Variants in SYN3 observed in about 807,000 individuals in gnomAD.
SYN3 encodes synapsin III.
Under a neutral mutation model 65.8 loss-of-function variants are expected in SYN3, and 35 were observed. The observed-to-expected ratio is 0.53, with a 90% CI of 0.41 to 0.70. SYN3 has a LOEUF of 0.70. Ranked by LOEUF, SYN3 falls within the 30% of genes least tolerant of loss-of-function variation. The probability of loss-of-function intolerance (pLI) is 0.00; values close to 1 mark genes in which losing one functional copy is unlikely to be tolerated. For synonymous variants in SYN3, 270 were observed against 292.9 expected (o/e 0.92, Z 0.80); for missense variants, 680 against 749.0 (o/e 0.91, Z 1.08).
chr22:32,716,926 C>T (rs2061047279), intron 6 of SYN3, among the ~76,000 whole-genome samples: 1 of 152,144 alleles, frequency 6.6e-6, no homozygotes, highest in Non-Finnish European at 1.5e-5. Context: ...ACTCAGATTG[C>T]TGTACAACCA....
At chr22:32,745,891 C>T (rs188801543) in intron 6 of SYN3, among the ~76,000 whole-genome samples, 33 of 152,248 alleles carry the variant, frequency 2.2e-4, no homozygotes, top group African/African-American at 5.8e-4. Context: ...CTCCAGCCAG[C>T]GTGGTGCCGA....
chr22:32,827,185 A>G (rs1057221898), intron 6 of SYN3, among the ~76,000 whole-genome samples: 2 of 152,218 alleles, frequency 1.3e-5, no homozygotes, highest in Non-Finnish European at 2.9e-5. Context: ...TTGGCCAGGA[A>G]TTCAGCGAGT....
intron 7 of SYN3, among the ~76,000 whole-genome samples, chr22:32,589,066 G>A (rs906125103): frequency 3.3e-5 from 5 of 152,280 alleles, no homozygotes; most frequent in Middle Eastern, 3.4e-3. Flanking sequence ...ACACTGCCCC[G>A]AGCTCCTATT....
At chr22:32,641,506 G>T (rs2059899211) in intron 6 of SYN3, among the ~76,000 whole-genome samples, 1 of 151,446 alleles carries the variant, frequency 6.6e-6, no homozygotes, top group South Asian at 2.1e-4. Flanking sequence ...TACTCGGGAG[G>T]CTGAGGCAGG....
rs1286696377 is a variant in SYN3 at position 32,518,166 on chromosome 22, G to A, written c.1487C>T (p.Pro496Leu). Residue 496 changes from proline to leucine, a missense_variant, in exon 13 of 14, where the codon CCA becomes CTA. Transcript: ENST00000358763. The stretch of plus-strand genomic sequence containing the variant: ...GGCACCTGGCTTGGAGGCCTGGTTT[G>A]GGGAGCTGCCACTGGATGCCCGGGA... The part of the protein sequence containing the change: ...QLSRASSGSS[P>L]NQASKPGATL... 21 of 1,613,284 alleles carry A rather than the reference G, an allele frequency of 1.3e-5. 1 individual carries two copies.
intron 6 of SYN3, among the ~76,000 whole-genome samples, chr22:32,633,153 G>T (rs1292631793): frequency 6.6e-6 from 1 of 152,248 alleles, no homozygotes; most frequent in South Asian, 2.1e-4. Flanking sequence ...TTGACGTCAT[G>T]TACGGCACTT....
chr22:32,846,650 C>T (rs1035693165), intron 6 of SYN3, among the ~76,000 whole-genome samples: 12 of 152,204 alleles, frequency 7.9e-5, no homozygotes, highest in Admixed American at 7.2e-4. Context: ...AGCACCAGGG[C>T]TGGGATTTGA....
rs130536 is a variant in SYN3 at position 32,780,068 on chromosome 22, C to CAAAAAAAAAA, written c.711+84837_711+84846dup. On this transcript the variant is annotated intron_variant, in intron 6 of 13. Transcript: ENST00000358763. ...TGGGTGACAGAGTGAGATTCTGTCT[C>CAAAAAAAAAA]AAAAAAAAAAAGAGAGAGAAAAAAA... 1.1e-3 allele frequency among the ~76,000 whole-genome samples: 81 copies of CAAAAAAAAAA among 72,584 alleles called. 10 individuals are homozygous for CAAAAAAAAAA. Among genetic ancestry groups the CAAAAAAAAAA allele is most frequent in the African/African-American group, 4.9e-3 (75 of 15,294 alleles). The allele number at this position is 72,584 out of a possible 152,430, so 47.6% of individuals were successfully genotyped here.
rs551552753 is a variant in SYN3 at position 32,878,392 on chromosome 22, C to T, written c.462-9267G>A. ...CCCTACACTCTCCACTCCTCATTTC[C>T]ACTCTGGTTTTCTCCTCCAATGCCT... On this transcript the variant is annotated intron_variant, in intron 4 of 13. Transcript: ENST00000358763. 1.9e-4 allele frequency among the ~76,000 whole-genome samples: 29 copies of T among 152,296 alleles called. No individual in the cohort carries two copies. The South Asian group carries it at 5.8e-3, about 30-fold the overall frequency.
At chr22:32,965,808 C>A (rs376015479) in intron 3 of SYN3, among the ~76,000 whole-genome samples, 7 of 152,074 alleles carry the variant, frequency 4.6e-5, no homozygotes, top group South Asian at 2.1e-4. Context: ...CATTCTCCTG[C>A]CTCAGCCTCC....
At chr22:32,965,789 G>C (rs1210595726) in intron 3 of SYN3, among the ~76,000 whole-genome samples, 1 of 152,046 alleles carries the variant, frequency 6.6e-6, no homozygotes, top group Admixed American at 6.6e-5. Flanking sequence ...CCGCCTCCCG[G>C]GTTCGCGCCA....
intron 6 of SYN3, among the ~76,000 whole-genome samples, chr22:32,746,650 C>A (rs922699210): frequency 6.6e-6 from 1 of 152,166 alleles, no homozygotes; most frequent in African/African-American, 2.4e-5. Context: ...TTCCTCTGGG[C>A]CCCCAGTCCA....
intron 4 of SYN3, among the ~76,000 whole-genome samples, chr22:32,893,086 A>C (rs986031337): frequency 6.6e-6 from 1 of 152,176 alleles, no homozygotes; most frequent in East Asian, 1.9e-4. Context: ...GAATAGAAAG[A>C]ATCTGAATCA....
At chr22:32,642,217 A>G (rs995381492) in intron 6 of SYN3, among the ~76,000 whole-genome samples, 3 of 151,624 alleles carry the variant, frequency 2.0e-5, no homozygotes, top group African/African-American at 7.3e-5. Flanking sequence ...TGAACCTGGG[A>G]GACGGAGGTT....
In SYN3 at chr22:32,874,958, C is replaced by A. The variant is rs556727234; in HGVS notation, c.462-5833G>T. ...GGGGAATTCAAAACATTGAAACAAG[C>A]TCCATGCTCCTGCAGACTTAGGGTA... On this transcript the variant is annotated intron_variant, in intron 4 of 13. Coordinates refer to ENST00000358763, the MANE Select transcript of SYN3 (RefSeq NM_003490.4). Among the ~76,000 whole-genome samples the A allele has an allele frequency of 2.0e-5, 3 of 152,292 alleles. No individual in the cohort carries two copies. In the South Asian group the frequency reaches 6.2e-4, roughly 32 times the overall value.
chr22:32,644,567 G>A (rs944994185), intron 6 of SYN3, among the ~76,000 whole-genome samples: 2 of 152,176 alleles, frequency 1.3e-5, no homozygotes, highest in Admixed American at 6.5e-5. Context: ...CTGGGCTGGC[G>A]GATGGACTGA....
At chr22:32,833,879 G>C (rs2047651839) in intron 6 of SYN3, 1 of 499,570 alleles carries the variant, frequency 2.0e-6, no homozygotes, top group African/African-American at 2.0e-5. Flanking sequence ...ATAGCTGATG[G>C]CACCTATTGT....
chr22:32,639,952 C>T (rs964861806), intron 6 of SYN3, among the ~76,000 whole-genome samples: 1 of 152,206 alleles, frequency 6.6e-6, no homozygotes, highest in Non-Finnish European at 1.5e-5. Context: ...CCCATTTGAT[C>T]CTGATCCAAT....
At chr22:32,772,705 T>C (rs5998631) in intron 6 of SYN3, among the ~76,000 whole-genome samples, 107,179 of 151,772 alleles carry the variant, frequency 0.71, 38,396 homozygotes, top group African/African-American at 0.83. Context: ...AAATGATTAG[T>C]GTAGGAGACC....
Sources: allele counts gnomAD v4.1 joint callset (sites outside exome capture counted in the v4.1 genomes callset), GRCh38; gene constraint gnomAD v4.1.1; transcripts MANE v1.5; gene names NCBI Gene and HGNC (gene_info 2026-07-23, HGNC 2026-07-21).